The following FBXO34 variants were observed in gnomAD, a reference collection of about 807,000 sequenced individuals.
The protein encoded by FBXO34 is F-box protein 34, also known as F-box only protein 34.
In FBXO34, 12 loss-of-function variants were observed where a neutral mutation model predicts 24.5. That is an observed-to-expected ratio of 0.49 (90% CI 0.31 to 0.79). The LOEUF is 0.79. FBXO34 is among the 30% of genes least tolerant of loss of function. The pLI is 0.04. For missense variants in FBXO34, 823 were observed against 857.7 expected, an observed-to-expected ratio of 0.96 and a Z score of 0.51; for synonymous variants, 320 against 311.9, an observed-to-expected ratio of 1.03 and a Z score of -0.27.
At chr14:55,376,715 C>G in the FBXO34 span, among the ~76,000 whole-genome samples, 3 of 152,126 alleles carry the variant, frequency 2.0e-5, no homozygotes, top group South Asian at 6.2e-4. Context: ...AAGGGAAACC[C>G]AAAAGAACTT....
At chr14:55,374,329 C>T (rs1457660576), downstream of FBXO34, among the ~76,000 whole-genome samples, 2 of 152,170 alleles carry the variant, frequency 1.3e-5, no homozygotes, top group Non-Finnish European at 2.9e-5. Flanking sequence ...CTCAAGTGAT[C>T]TGACTACTTA....
chr14:55,345,660 C>A (rs191576725), intron 1 of FBXO34, among the ~76,000 whole-genome samples: 1 of 152,156 alleles, frequency 6.6e-6, no homozygotes, highest in Non-Finnish European at 1.5e-5. Context: ...ATGTTTTACT[C>A]ATATTTATAC....
At chr14:55,344,684 G>C (rs1370360372) in intron 1 of FBXO34, among the ~76,000 whole-genome samples, 1 of 151,852 alleles carries the variant, frequency 6.6e-6, no homozygotes, top group Non-Finnish European at 1.5e-5. Context: ...GCATGCATTA[G>C]GTATTTGTCC....
At chr14:55,424,085 G>A in the FBXO34 span, 1 of 1,011,252 alleles carries the variant, frequency 9.9e-7, no homozygotes, top group South Asian at 1.5e-5. Flanking sequence ...GTGAACAAAG[G>A]TATTTAAAAG....
chr14:55,290,886 C>T (rs1443226672), intron 1 of FBXO34, among the ~76,000 whole-genome samples: 1 of 152,212 alleles, frequency 6.6e-6, no homozygotes, highest in Non-Finnish European at 1.5e-5. Context: ...GTGGCACTAT[C>T]TCAGCTCACT....
the FBXO34 span, among the ~76,000 whole-genome samples, chr14:55,386,482 G>C: frequency 6.6e-6 from 1 of 152,194 alleles, no homozygotes; most frequent in Non-Finnish European, 1.5e-5. Flanking sequence ...GATTTCCCTA[G>C]AAACTTCTTA....
At chr14:55,433,672 AG>A in the FBXO34 span, 1 of 1,614,124 alleles carries the variant, frequency 6.2e-7, no homozygotes, top group African/African-American at 1.3e-5. Context: ...GCTAAATATA[AG>A]GGCTGTTGTC....
the FBXO34 span, among the ~76,000 whole-genome samples, chr14:55,418,926 A>G: frequency 6.6e-6 from 1 of 152,322 alleles, no homozygotes; most frequent in Non-Finnish European, 1.5e-5. Context: ...GGTCACTTGC[A>G]TTTTGCATAT....
chr14:55,440,697 G>A, the FBXO34 span: 618 of 865,502 alleles, frequency 7.1e-4, 8 homozygotes, highest in East Asian at 0.017. Flanking sequence ...CTAGGGGTGG[G>A]CCGGAGAGGG....
the FBXO34 span, among the ~76,000 whole-genome samples, chr14:55,412,209 GCAAA>G: frequency 1.3e-5 from 2 of 152,292 alleles, no homozygotes; most frequent in South Asian, 2.1e-4. Flanking sequence ...CTAAACTACA[GCAAA>G]CAAAGTAGGG....
intron 1 of FBXO34, chr14:55,298,934 G>A: frequency 6.3e-7 from 1 of 1,577,194 alleles, no homozygotes; most frequent in South Asian, 1.1e-5. Flanking sequence ...TCAAGAACAT[G>A]GGCTCTGCAG....
At chr14:55,316,429 TAAAAA>T (rs1219645375) in intron 1 of FBXO34, among the ~76,000 whole-genome samples, 1 of 121,884 alleles carries the variant, frequency 8.2e-6, no homozygotes, top group Non-Finnish European at 1.8e-5. Flanking sequence ...TCTACAAAAA[TAAAAA>T]AAAAAAAATT....
At chr14:55,425,169 T>A in the FBXO34 span, among the ~76,000 whole-genome samples, 2 of 152,044 alleles carry the variant, frequency 1.3e-5, no homozygotes, top group Non-Finnish European at 2.9e-5. Context: ...TTGAAGTGAG[T>A]CTTGCCCATC....
intron 1 of FBXO34, among the ~76,000 whole-genome samples, chr14:55,336,172 G>T (rs1264873640): frequency 6.6e-6 from 1 of 152,184 alleles, no homozygotes; most frequent in Non-Finnish European, 1.5e-5. Context: ...GGATTGATTG[G>T]TCTTGACTGC....
chr14:55,405,917 T>C, the FBXO34 span, among the ~76,000 whole-genome samples: 1 of 149,982 alleles, frequency 6.7e-6, no homozygotes, highest in East Asian at 2.0e-4. Context: ...AAAAGGCAGA[T>C]GTGAAAGCAG....
rs1386974768 is a variant in FBXO34 at position 55,301,373 on chromosome 14, G to T, written c.-11+29836G>T. On this transcript the variant is annotated intron_variant, in intron 1 of 1. Coordinates refer to ENST00000313833, the MANE Select transcript of FBXO34 (RefSeq NM_017943.4). ...GATCACCTGAGCCCAGGAGGTCAAG[G>T]CTCCAGTGAACTGTGATTGTGCCAC... 2.0e-5 allele frequency among the ~76,000 whole-genome samples: 3 copies of T among 151,808 alleles called. No homozygotes were observed. The East Asian group carries it at 5.8e-4, about 29-fold the overall frequency.
chr14:55,429,766 C>CA, the FBXO34 span, among the ~76,000 whole-genome samples: 5,835 of 51,994 alleles, frequency 0.11, 358 homozygotes, highest in Non-Finnish European at 0.12. Flanking sequence ...AACTCCGTCT[C>CA]AAAAAAAAAA....
chr14:55,327,845 A>T (rs771481483), intron 1 of FBXO34, among the ~76,000 whole-genome samples: 33 of 150,082 alleles, frequency 2.2e-4, no homozygotes, highest in Non-Finnish European at 4.1e-4. Flanking sequence ...TTTTATGGAC[A>T]GAAGATTCAT....
At chr14:55,434,378 C>G in the FBXO34 span, among the ~76,000 whole-genome samples, 1 of 152,122 alleles carries the variant, frequency 6.6e-6, no homozygotes, top group Admixed American at 6.5e-5. Context: ...GCCACATGGA[C>G]GTGTCATCAA....
Sources: allele counts gnomAD v4.1 joint callset (sites outside exome capture counted in the v4.1 genomes callset), GRCh38; gene constraint gnomAD v4.1.1; transcripts MANE v1.5; gene names NCBI Gene and HGNC (gene_info 2026-07-23, HGNC 2026-07-21).